The following TENM2 variants were observed in gnomAD, a reference collection of about 807,000 sequenced individuals.
TENM2 encodes the protein teneurin-2.
TENM2 carries 52 observed loss-of-function variants against 245.2 expected under a neutral mutation model. The ratio of observed to expected loss-of-function variants is 0.21; its 90% CI spans 0.17 to 0.27. The LOEUF is 0.27. Among genes scored for constraint, TENM2 ranks in the 10% least tolerant of loss-of-function variants. The pLI is 1.00. For missense variants in TENM2, 3,046 were observed against 3,666.8 expected (o/e 0.83, Z 4.37); for synonymous variants, 1,363 against 1,438.9 (o/e 0.95, Z 1.19).
chr5:168,248,285 G>A (rs749249022), exon 27 of TENM2: 3 of 1,613,886 alleles, frequency 1.9e-6, no homozygotes, highest in Middle Eastern at 1.6e-4. Context: ...AAAAACGTGG[G>A]CAAGGAGCCG....
At chr5:168,096,517 T>C (rs1045703420) in intron 8 of TENM2, among the ~76,000 whole-genome samples, 2 of 152,304 alleles carry the variant, frequency 1.3e-5, no homozygotes, top group Admixed American at 6.5e-5. Context: ...TGAGTTTTCC[T>C]CAGAGTGCCA....
At chr5:167,481,581 T>A (rs1380584951) in intron 2 of TENM2, among the ~76,000 whole-genome samples, 1 of 152,090 alleles carries the variant, frequency 6.6e-6, no homozygotes, top group East Asian at 1.9e-4. Context: ...AGTGAAGCAG[T>A]TATAACTCGA....
At chr5:168,259,330 G>A (rs1434213755) in intron 27 of TENM2, among the ~76,000 whole-genome samples, 1 of 152,182 alleles carries the variant, frequency 6.6e-6, no homozygotes, top group Non-Finnish European at 1.5e-5. Context: ...GCTCATGCCT[G>A]TAATCCCAGC....
chr5:166,990,951 T>C, the TENM2 span, among the ~76,000 whole-genome samples: 1 of 152,142 alleles, frequency 6.6e-6, no homozygotes, highest in African/African-American at 2.4e-5. Flanking sequence ...GCTCATCATG[T>C]TGAGTGTGAC....
chr5:167,672,867 A>G (rs1365013851), intron 2 of TENM2, among the ~76,000 whole-genome samples: 2 of 151,842 alleles, frequency 1.3e-5, no homozygotes, highest in Non-Finnish European at 2.9e-5. Context: ...ATGAAAAGTA[A>G]GCCAAAAATT....
At chr5:168,205,680 G>A (rs1417702117) in intron 19 of TENM2, among the ~76,000 whole-genome samples, 1 of 152,186 alleles carries the variant, frequency 6.6e-6, no homozygotes, top group Non-Finnish European at 1.5e-5. Context: ...AGGACTGATA[G>A]AAGCCCAATG....
intron 2 of TENM2, among the ~76,000 whole-genome samples, chr5:167,431,961 G>GTATATATATATGTA (rs1764270448): frequency 1.1e-4 from 5 of 43,600 alleles, no homozygotes; most frequent in African/African-American, 2.0e-4. Context: ...ATATATATAT[G>GTATATATATATGTA]TATATATATA....
At chr5:168,157,413 G>A (rs573199479) in intron 12 of TENM2, among the ~76,000 whole-genome samples, 5 of 152,296 alleles carry the variant, frequency 3.3e-5, no homozygotes, top group East Asian at 1.9e-4. Flanking sequence ...GTGAGACATG[G>A]ATGATGGTAC....
At chr5:167,698,903 T>C (rs1324797378) in intron 2 of TENM2, among the ~76,000 whole-genome samples, 1 of 151,868 alleles carries the variant, frequency 6.6e-6, no homozygotes, top group Non-Finnish European at 1.5e-5. Flanking sequence ...AGGATGGTCT[T>C]GATCTCCTGA....
intron 2 of TENM2, among the ~76,000 whole-genome samples, chr5:167,626,972 C>T (rs1032527442): frequency 8.5e-5 from 13 of 152,158 alleles, no homozygotes; most frequent in Non-Finnish European, 1.2e-4. Flanking sequence ...AGTTGTCCTC[C>T]CTTTTACCCA....
intron 2 of TENM2, among the ~76,000 whole-genome samples, chr5:167,852,298 A>G (rs1423125049): frequency 6.6e-6 from 1 of 152,226 alleles, no homozygotes; most frequent in African/African-American, 2.4e-5. Flanking sequence ...GATATCATTA[A>G]GCATATGCCA....
chr5:167,644,104 T>G (rs1779782019), intron 2 of TENM2, among the ~76,000 whole-genome samples: 1 of 152,208 alleles, frequency 6.6e-6, no homozygotes, highest in Admixed American at 6.5e-5. Context: ...CATAATGGGC[T>G]TCTTTGGAAG....
chr5:167,570,126 T>A (rs151205216), intron 2 of TENM2, among the ~76,000 whole-genome samples: 4 of 152,272 alleles, frequency 2.6e-5, no homozygotes, highest in African/African-American at 9.6e-5. Context: ...GGGATGCATA[T>A]GCATCAGGCT....
At chr5:167,346,062 A>G (rs189459431) in intron 1 of TENM2, among the ~76,000 whole-genome samples, 102 of 152,318 alleles carry the variant, frequency 6.7e-4, no homozygotes, top group African/African-American at 2.4e-3. Flanking sequence ...TGGCCTAATC[A>G]TGAAAGGTCA....
At chr5:167,749,871 G>T (rs1254825244) in intron 2 of TENM2, among the ~76,000 whole-genome samples, 1 of 152,096 alleles carries the variant, frequency 6.6e-6, no homozygotes, top group African/African-American at 2.4e-5. Flanking sequence ...TCAATAAAGA[G>T]ATCTGCCTTT....
At chr5:167,038,661 C>A in the TENM2 span, among the ~76,000 whole-genome samples, 4 of 152,178 alleles carry the variant, frequency 2.6e-5, no homozygotes, top group Non-Finnish European at 4.4e-5. Context: ...CCCACAAGAA[C>A]GGTCTTGTGG....
chr5:167,591,001 A>G (rs1775840456), intron 2 of TENM2, among the ~76,000 whole-genome samples: 1 of 152,234 alleles, frequency 6.6e-6, no homozygotes, highest in Admixed American at 6.5e-5. Flanking sequence ...ATGTAACTGC[A>G]CAAAGTACAA....
In TENM2 at chr5:167,698,415, C is replaced by T. The variant is rs567914135; in HGVS notation, c.503-177571C>T. On this transcript the variant is annotated intron_variant, in intron 2 of 28. Coordinates refer to ENST00000518659, the Ensembl canonical transcript of TENM2. ...TGCTGTCTGTCTCTCCATCAGGCTC[C>T]ACACTGTTCCCTGTGCTAGAACACT... Among the ~76,000 whole-genome samples the T allele has an allele frequency of 2.0e-5, 3 of 152,266 alleles. No homozygotes were observed. The East Asian group carries it at 5.8e-4, about 30-fold the overall frequency.
intron 12 of TENM2, among the ~76,000 whole-genome samples, chr5:168,156,252 A>AAAAAAAAAC (rs1554210127): frequency 5.4e-5 from 8 of 149,394 alleles, no homozygotes; most frequent in African/African-American, 7.5e-5. Flanking sequence ...ATAGTTAAAA[A>AAAAAAAAAC]AAAAAAAAAA....
Sources: allele counts gnomAD v4.1 joint callset (sites outside exome capture counted in the v4.1 genomes callset), GRCh38; gene constraint gnomAD v4.1.1; transcripts MANE v1.5; gene names NCBI Gene and HGNC (gene_info 2026-07-23, HGNC 2026-07-21).